The following DDAH1 variants were observed in gnomAD, a reference collection of about 807,000 sequenced individuals.
DDAH1 encodes the protein dimethylarginine dimethylaminohydrolase 1.
DDAH1 carries 19 observed loss-of-function variants against 28.8 expected under a neutral mutation model. That is an observed-to-expected ratio of 0.66 (90% CI 0.46 to 0.97). DDAH1 has a LOEUF of 0.97. Among genes scored for constraint, DDAH1 ranks in the 50% least tolerant of loss-of-function variants. DDAH1 has a pLI of 0.00. For missense variants in DDAH1, 326 were observed against 375.9 expected, an observed-to-expected ratio of 0.87 and a Z score of 1.10; for synonymous variants, 153 against 154.4, an observed-to-expected ratio of 0.99 and a Z score of 0.07.
At chr1:85,545,738 G>A (rs1436042940) in intron 1 of DDAH1, among the ~76,000 whole-genome samples, 1 of 152,176 alleles carries the variant, frequency 6.6e-6, no homozygotes, top group Non-Finnish European at 1.5e-5. Flanking sequence ...TTCTAAAGGA[G>A]AAGAAGAGGC....
chr1:85,420,525 A>G (rs1021466115), intron 1 of DDAH1, among the ~76,000 whole-genome samples: 6 of 152,216 alleles, frequency 3.9e-5, no homozygotes, highest in Non-Finnish European at 5.9e-5. Flanking sequence ...TCAAACTTCC[A>G]TAGATCCCTA....
chr1:85,516,119 C>T (rs1213925199), intron 1 of DDAH1, among the ~76,000 whole-genome samples: 2 of 151,622 alleles, frequency 1.3e-5, no homozygotes, highest in Non-Finnish European at 2.9e-5. Flanking sequence ...ACCTTAACGA[C>T]CTCCTTAAAT....
Position 85,433,165 on chromosome 1 carries a change from A to C in DDAH1, c.303+31578T>G, listed in dbSNP as rs115757658. Among the ~76,000 whole-genome samples, 1,373 of 152,170 alleles carry C rather than the reference A, an allele frequency of 9.0e-3. 20 individuals are homozygous for C. The highest frequency in any genetic ancestry group is 0.032 in the African/African-American group (1,316 of 41,518). The stretch of plus-strand genomic sequence containing the variant: ...GTTGTTTTTGTTTTTAAGGTCCTCT[A>C]TGTGCCACTAGTGATTTTTCATGGA... On this transcript the variant is annotated intron_variant, in intron 1 of 5. Coordinates refer to ENST00000284031, the MANE Select transcript of DDAH1 (RefSeq NM_012137.4).
intron 4 of DDAH1, among the ~76,000 whole-genome samples, chr1:85,346,062 A>G (rs1354408913): frequency 6.6e-6 from 1 of 152,218 alleles, no homozygotes; most frequent in Non-Finnish European, 1.5e-5. Flanking sequence ...ATTGCAACCC[A>G]TTACAAAGTA....
intron 1 of DDAH1, among the ~76,000 whole-genome samples, chr1:85,524,714 C>T (rs1436082277): frequency 1.3e-5 from 2 of 151,944 alleles, no homozygotes; most frequent in Non-Finnish European, 2.9e-5. Flanking sequence ...CTCTGGGATC[C>T]TGTTTCCAGT....
At chr1:85,346,602 A>G (rs192347737) in intron 4 of DDAH1, among the ~76,000 whole-genome samples, 164 of 152,314 alleles carry the variant, frequency 1.1e-3, no homozygotes, top group Non-Finnish European at 1.9e-3. Context: ...TTATTTCATC[A>G]GGTCTCAGTA....
intron 4 of DDAH1, among the ~76,000 whole-genome samples, chr1:85,328,420 CAGTT>C (rs1392412233): frequency 2.0e-5 from 3 of 152,186 alleles, no homozygotes; most frequent in Non-Finnish European, 4.4e-5. Context: ...TGCAAGGTGG[CAGTT>C]AGGATTTGTG....
chr1:85,538,482 G>A lies in DDAH1; in HGVS notation c.-123+39502C>T, dbSNP rs1554593. Among the ~76,000 whole-genome samples, 729 of 152,212 alleles carry A rather than the reference G, an allele frequency of 4.8e-3. 6 individuals carry two copies. Among genetic ancestry groups the A allele is most frequent in the African/African-American group, 0.017 (693 of 41,504 alleles). On this transcript the variant is annotated intron_variant, in intron 1 of 6. Transcript: ENST00000426972. ...GGATTGCCCTAAAAGGGGAACACCC[G>A]GGGGCCTACCTCAATGATTTGCCCA... is the stretch of plus-strand genomic sequence containing the variant.
chr1:85,469,984 A>G (rs1655561948), upstream of DDAH1, among the ~76,000 whole-genome samples: 1 of 152,156 alleles, frequency 6.6e-6, no homozygotes, highest in African/African-American at 2.4e-5. Context: ...TTTTCCATTG[A>G]TAATATTGCT....
chr1:85,322,199 A>G (rs1025135062), intron 5 of DDAH1, among the ~76,000 whole-genome samples: 2 of 152,180 alleles, frequency 1.3e-5, no homozygotes, highest in Non-Finnish European at 2.9e-5. Flanking sequence ...CTGGTATTAA[A>G]CAGGCATAAG....
intron 1 of DDAH1, among the ~76,000 whole-genome samples, chr1:85,417,593 C>A (rs1262692566): frequency 6.6e-6 from 1 of 152,192 alleles, no homozygotes; most frequent in Non-Finnish European, 1.5e-5. Context: ...GAATGTAAAT[C>A]CTATCTCCTT....
At chr1:85,500,066 TCTTTTCTTTC>T (rs1223094222) in intron 1 of DDAH1, among the ~76,000 whole-genome samples, 34 of 151,978 alleles carry the variant, frequency 2.2e-4, no homozygotes, top group Non-Finnish European at 4.4e-4. Flanking sequence ...TCTTTTCTTT[TCTTTTCTTTC>T]CTTTCCTTCC....
chr1:85,450,695 G>T (rs1274866025), intron 1 of DDAH1, among the ~76,000 whole-genome samples: 1 of 152,162 alleles, frequency 6.6e-6, no homozygotes, highest in Admixed American at 6.6e-5. Flanking sequence ...ACAGGAAACT[G>T]AAACTTTTGA....
Position 85,404,634 on chromosome 1 carries a change from C to T in DDAH1, c.304-45787G>A, listed in dbSNP as rs146957860. On this transcript the variant is annotated intron_variant, in intron 1 of 5. Coordinates refer to ENST00000284031, the MANE Select transcript of DDAH1 (RefSeq NM_012137.4). ...AACCGAATCCAAGAGTTCAATGATA[C>T]TGTAGACTCAAGTATTTCTTTAAAT... 298 of 774,456 alleles carry T rather than the reference C, an allele frequency of 3.8e-4. 3 individuals are homozygous for T. Among genetic ancestry groups the T allele is most frequent in the Middle Eastern group, 2.6e-3 (6 of 2,290 alleles). The allele number at this position is 774,456 out of a possible 1,614,324, so 48.0% of individuals were successfully genotyped here. A position where few individuals can be genotyped will look rare whatever the true frequency, so the allele number is the denominator to read the frequency against.
At chr1:85,398,692 T>C (rs1651929407) in intron 1 of DDAH1, 1 of 152,224 alleles carries the variant, frequency 6.6e-6, no homozygotes, top group African/African-American at 2.4e-5. Flanking sequence ...GGACAGCTTT[T>C]CCCAAGGCCA....
intron 1 of DDAH1, among the ~76,000 whole-genome samples, chr1:85,503,565 C>CTATA (rs1553142808): frequency 1.3e-5 from 2 of 152,036 alleles, no homozygotes; most frequent in African/African-American, 2.4e-5. Flanking sequence ...ATCTATCTAT[C>CTATA]TATCCATCTA....
intron 4 of DDAH1, among the ~76,000 whole-genome samples, chr1:85,339,842 T>C (rs1266988394): frequency 6.6e-6 from 1 of 152,156 alleles, no homozygotes; most frequent in African/African-American, 2.4e-5. Flanking sequence ...AAAACCCTCC[T>C]CCTTCCAGCT....
chr1:85,456,448 G>A (rs890301954), intron 1 of DDAH1, among the ~76,000 whole-genome samples: 2 of 152,180 alleles, frequency 1.3e-5, no homozygotes, highest in African/African-American at 4.8e-5. Flanking sequence ...GAATTCAGTA[G>A]AAACCATACT....
chr1:85,347,765 A>T lies in DDAH1; in HGVS notation c.597+2650T>A, dbSNP rs186792368. Among the ~76,000 whole-genome samples the T allele has an allele frequency of 8.3e-4, 108 of 130,056 alleles. 1 individual carries two copies. Among genetic ancestry groups the T allele is most frequent in the Middle Eastern group, 4.0e-3 (1 of 248 alleles). 85.3% of individuals were successfully genotyped at this position (130,056 alleles called of 152,430 possible). On this transcript the variant is annotated intron_variant, in intron 4 of 5. Transcript: ENST00000284031. ...TGTACCCTAGAACTTAAAGTATAATAAAAAAAGAAAAAATAATTGCCCCAT... is the reference window on the plus strand; with the variant it reads ...TGTACCCTAGAACTTAAAGTATAATTAAAAAAGAAAAAATAATTGCCCCAT...
Sources: gnomAD v4.1 joint callset for allele counts (sites outside exome capture counted in the v4.1 genomes callset) on GRCh38, gnomAD v4.1.1 for gene constraint, MANE v1.5 for transcripts, NCBI Gene and HGNC (gene_info 2026-07-23, HGNC 2026-07-21) for gene names.